Variants in FREM2 observed in about 807,000 individuals in gnomAD.
FREM2 encodes the protein FRAS1 related extracellular matrix 2, also known as FRAS1-related extracellular matrix protein 2.
Under a neutral mutation model 219.9 loss-of-function variants are expected in FREM2, and 119 were observed. The observed-to-expected ratio is 0.54, with a 90% confidence interval of 0.47 to 0.63. The LOEUF is 0.63. Ranked by LOEUF, FREM2 falls within the 30% of genes least tolerant of loss-of-function variation. The pLI, the probability that FREM2 is intolerant of heterozygous loss-of-function variation, is 0.00. For missense variants in FREM2, 4,030 were observed against 3,993.6 expected (o/e 1.01, Z -0.25); for synonymous variants, 1,562 against 1,522.8 (o/e 1.03, Z -0.60).
intron 11 of FREM2, among the ~76,000 whole-genome samples, chr13:38,852,300 TAGTAAAACAA>T (rs2137912805): frequency 6.6e-6 from 1 of 152,352 alleles, no homozygotes; most frequent in Non-Finnish European, 1.5e-5. Context: ...TCCTCTCGTT[TAGTAAAACAA>T]ACACAATGGG....
intron 6 of FREM2, among the ~76,000 whole-genome samples, chr13:38,814,677 G>A (rs994442093): frequency 2.0e-5 from 3 of 152,148 alleles, no homozygotes; most frequent in African/African-American, 4.8e-5. Context: ...GGCCCCAAAT[G>A]TGTCCAGGGA....
intron 6 of FREM2, chr13:38,827,663 A>C (rs1156526124): frequency 1.3e-5 from 2 of 152,140 alleles, no homozygotes; most frequent in African/African-American, 4.8e-5. Flanking sequence ...CTTTCTTGAT[A>C]GCAGTAACTG....
intron 2 of FREM2, among the ~76,000 whole-genome samples, chr13:38,720,784 C>T (rs991046881): frequency 1.3e-5 from 2 of 152,168 alleles, no homozygotes; most frequent in African/African-American, 4.8e-5. Context: ...GGGGGAAAGA[C>T]TGAATCTAGA....
chr13:38,745,030 C>G (rs1185483937), intron 2 of FREM2, among the ~76,000 whole-genome samples: 1 of 152,102 alleles, frequency 6.6e-6, no homozygotes, highest in South Asian at 2.1e-4. Context: ...CTTGTTTTCT[C>G]TAAAGCAAAT....
chr13:38,834,744 C>A (rs1876644572), intron 6 of FREM2, among the ~76,000 whole-genome samples: 1 of 152,162 alleles, frequency 6.6e-6, no homozygotes, highest in African/African-American at 2.4e-5. Flanking sequence ...GCATAAATGT[C>A]TTCTTTTGAA....
chr13:38,734,738 C>CTTTT (rs11314517), intron 2 of FREM2, among the ~76,000 whole-genome samples: 49 of 89,382 alleles, frequency 5.5e-4, no homozygotes, highest in Non-Finnish European at 7.3e-4. Context: ...CAGTGCTATA[C>CTTTT]TTTTTTTTTT....
intron 2 of FREM2, among the ~76,000 whole-genome samples, chr13:38,763,732 T>G (rs998790253): frequency 1.3e-5 from 2 of 152,148 alleles, no homozygotes; most frequent in African/African-American, 4.8e-5. Flanking sequence ...AACCTTATCT[T>G]CAGAGTGGAA....
intron 16 of FREM2, among the ~76,000 whole-genome samples, chr13:38,869,723 A>G (rs1878095249): frequency 6.6e-6 from 1 of 152,240 alleles, no homozygotes; most frequent in Non-Finnish European, 1.5e-5. Flanking sequence ...TGTGACACCT[A>G]TTTTGTAAAT....
chr13:38,756,464 C>T lies in FREM2; in HGVS notation c.5264-7840C>T, dbSNP rs59379859. On this transcript the variant is annotated intron_variant, in intron 2 of 23. Transcript: ENST00000280481. ...GCACACGAATTTTCTTTGCAAGGCC[C>T]ATCACAGCCTTCTTGTTCTTAGGAA... Among the ~76,000 whole-genome samples the T allele has an allele frequency of 2.1e-3, 314 of 152,062 alleles. 1 individual carries two copies. The highest frequency in any genetic ancestry group is 7.3e-3 in the African/African-American group (303 of 41,450).
At chr13:38,838,507 G>A (rs1222359335) in intron 6 of FREM2, among the ~76,000 whole-genome samples, 1 of 152,184 alleles carries the variant, frequency 6.6e-6, no homozygotes, top group Non-Finnish European at 1.5e-5. Flanking sequence ...ATGTTGGCCT[G>A]TCTTGCTAGG....
chr13:38,757,129 T>G (rs1314678630), intron 2 of FREM2, among the ~76,000 whole-genome samples: 1 of 152,160 alleles, frequency 6.6e-6, no homozygotes, highest in Non-Finnish European at 1.5e-5. Flanking sequence ...CATATTAGTC[T>G]TTTGCATAGT....
intron 2 of FREM2, among the ~76,000 whole-genome samples, chr13:38,731,045 C>A (rs1225906014): frequency 2.0e-5 from 3 of 151,914 alleles, no homozygotes; most frequent in Non-Finnish European, 4.4e-5. Flanking sequence ...AACTCTTTGG[C>A]AAAGCTTAAT....
chr13:38,689,330 T>C lies in FREM2; in HGVS notation c.1986T>C (p.Ser662=), dbSNP rs1300558889. The change falls in exon 1 of 24, where the codon AGT becomes AGC. Residue 662 remains serine, a synonymous_variant. Coordinates refer to ENST00000280481, the MANE Select transcript of FREM2 (RefSeq NM_207361.6). ...RLFYRHSGPH[S]PGPVTDQFTF... ...TCTATAGACACTCTGGGCCCCATAG[T>C]CCTGGGCCAGTCACAGACCAGTTCA... is the stretch of plus-strand genomic sequence containing the variant. The C allele has an allele frequency of 6.2e-7, 1 of 1,614,048 alleles. No individual in the cohort carries two copies. Among genetic ancestry groups the C allele is most frequent in the South Asian group, 1.1e-5 (1 of 91,066 alleles).
At chr13:38,721,199 G>A (rs2138107773) in intron 2 of FREM2, among the ~76,000 whole-genome samples, 1 of 149,674 alleles carries the variant, frequency 6.7e-6, no homozygotes, top group South Asian at 2.1e-4. Flanking sequence ...TTTTGAAAAA[G>A]CAATTGTGTG....
At chr13:38,754,901 G>GATGATTATTATTATTATTATTATT (rs56270131) in intron 2 of FREM2, among the ~76,000 whole-genome samples, 240 of 128,640 alleles carry the variant, frequency 1.9e-3, no homozygotes, top group Non-Finnish European at 2.7e-3. Context: ...TGATGATGAT[G>GATGATTATTATTATTATTATTATT]ATTATTATTA....
At chr13:38,720,662 G>A (rs866122722) in intron 2 of FREM2, among the ~76,000 whole-genome samples, 5 of 151,424 alleles carry the variant, frequency 3.3e-5, no homozygotes, top group African/African-American at 9.6e-5. Flanking sequence ...TAAACTCCTT[G>A]GTCCAACTGA....
chr13:38,807,361 A>C (rs2137858866), intron 6 of FREM2, among the ~76,000 whole-genome samples: 1 of 150,454 alleles, frequency 6.6e-6, no homozygotes, highest in Non-Finnish European at 1.5e-5. Context: ...AGCTGGGATT[A>C]TAGGCATGAG....
intron 2 of FREM2, among the ~76,000 whole-genome samples, chr13:38,717,608 G>C (rs373516658): frequency 1.3e-5 from 2 of 150,896 alleles, no homozygotes; most frequent in Non-Finnish European, 2.9e-5. Flanking sequence ...GTACAGACAG[G>C]GTTTCACCAT....
chr13:38,843,571 T>G (rs150299460), intron 6 of FREM2, among the ~76,000 whole-genome samples: 33 of 152,274 alleles, frequency 2.2e-4, no homozygotes, highest in Non-Finnish European at 4.1e-4. Flanking sequence ...TCACATCTAT[T>G]TATTATTTTA....
Sources: allele counts gnomAD v4.1 joint callset (sites outside exome capture counted in the v4.1 genomes callset), GRCh38; gene constraint gnomAD v4.1.1; transcripts MANE v1.5; gene names NCBI Gene and HGNC (gene_info 2026-07-23, HGNC 2026-07-21).